Variants in TRIM64B observed in about 807,000 individuals in gnomAD.
The protein encoded by TRIM64B is tripartite motif-containing protein 64B.
For missense variants in TRIM64B, 57 were observed against 536.4 expected (o/e 0.11, Z 8.83); for synonymous variants, 17 against 190.3 (o/e 0.09, Z 7.50).
At chr11:89,872,772 C>A (rs1347560435) in intron 4 of TRIM64B, among the ~76,000 whole-genome samples, 3 of 150,374 alleles carry the variant, frequency 2.0e-5, no homozygotes, top group Non-Finnish European at 4.5e-5. Context: ...CCTGAGAACC[C>A]TGCTGCTGAG....
upstream of TRIM64B, among the ~76,000 whole-genome samples, chr11:89,878,026 A>G (rs2134715696): frequency 6.8e-6 from 1 of 147,984 alleles, no homozygotes; most frequent in East Asian, 2.0e-4. Context: ...GTAATTCAAC[A>G]TTTTTAACGT....
intron 4 of TRIM64B, among the ~76,000 whole-genome samples, chr11:89,872,689 G>A (rs532350524): frequency 3.1e-3 from 469 of 151,794 alleles, no homozygotes; most frequent in Middle Eastern, 6.8e-3. Context: ...ATGCTAGTCA[G>A]TGTCTAACAG....
At chr11:89,877,029 T>C (rs1340000306), upstream of TRIM64B, among the ~76,000 whole-genome samples, 1 of 143,862 alleles carries the variant, frequency 7.0e-6, no homozygotes, top group Non-Finnish European at 1.5e-5. Context: ...GTCATCCTGT[T>C]TCTGTCATTC....
chr11:89,878,106 G>A (rs1188654558), upstream of TRIM64B, among the ~76,000 whole-genome samples: 1 of 143,678 alleles, frequency 7.0e-6, no homozygotes, highest in Non-Finnish European at 1.5e-5. Context: ...TATTTTATGG[G>A]TTCTATCATT....
At chr11:89,876,417 GA>G (rs1201937657), upstream of TRIM64B, among the ~76,000 whole-genome samples, 3 of 149,108 alleles carry the variant, frequency 2.0e-5, no homozygotes, top group African/African-American at 7.3e-5. Flanking sequence ...GGAACAGCAA[GA>G]AGATTAAAAA....
chr11:89,876,671 G>A (rs1231377831), upstream of TRIM64B, among the ~76,000 whole-genome samples: 3 of 147,502 alleles, frequency 2.0e-5, no homozygotes, highest in Non-Finnish European at 3.0e-5. Flanking sequence ...GCAGTGAGCC[G>A]AGATCGCACC....
At chr11:89,877,039 C>A (rs1359158798), upstream of TRIM64B, among the ~76,000 whole-genome samples, 1 of 143,198 alleles carries the variant, frequency 7.0e-6, no homozygotes, top group Non-Finnish European at 1.5e-5. Context: ...TTCTGTCATT[C>A]TATCTCTCTC....
chr11:89,874,161 A>G (rs572725717), exon 3 of TRIM64B: 3 of 1,545,002 alleles, frequency 1.9e-6, no homozygotes, highest in African/African-American at 2.8e-5. Context: ...TAGTTGTTGG[A>G]AAAGCTCTTC....
chr11:89,875,762 T>C lies in TRIM64B; in HGVS notation c.256A>G (p.Asn86Asp), dbSNP rs1319897253. 6.5e-6 allele frequency: 10 copies of C among 1,546,444 alleles called. 2 individuals carry two copies. The East Asian group carries it at 2.5e-4, about 38-fold the overall frequency. ...AGCACACAGATATTGTCTGAGCTGT[T>C]GATGTTCTGAGGTCTGGTCTGTCTG... The change falls in exon 1 of 6, where the codon AAC becomes GAC. Residue 86 changes from asparagine to aspartate, a missense_variant. By Grantham distance (23) the Asn-to-Asp change is conservative (BLOSUM62 1). Transcript: ENST00000329862.
intron 2 of TRIM64B, 143 bp from the exon 4 acceptor site, chr11:89,874,422 T>A: frequency 2.1e-6 from 1 of 479,628 alleles, no homozygotes; most frequent in Non-Finnish European, 3.4e-6. Flanking sequence ...GCTATCTTCT[T>A]CTGTCCATCT....
upstream of TRIM64B, among the ~76,000 whole-genome samples, chr11:89,876,233 G>T (rs1233515197): frequency 1.5e-5 from 2 of 136,442 alleles, no homozygotes; most frequent in African/African-American, 5.3e-5. Flanking sequence ...TCGAAGATTC[G>T]GTCAAGGACT....
chr11:89,877,726 TCTCCTGCCGCAGC>T (rs1310393808), upstream of TRIM64B, among the ~76,000 whole-genome samples: 1 of 149,406 alleles, frequency 6.7e-6, no homozygotes, highest in Non-Finnish European at 1.5e-5. Context: ...TTCAAACAAT[TCTCCTGCCGCAGC>T]CTCCTGAGTA....
chr11:89,877,836 G>A (rs1950174902), upstream of TRIM64B, among the ~76,000 whole-genome samples: 1 of 149,404 alleles, frequency 6.7e-6, no homozygotes, highest in Non-Finnish European at 1.5e-5. Flanking sequence ...TGGCCAGGCT[G>A]GTGTCTAACT....
chr11:89,877,777 G>A (rs1262420697), upstream of TRIM64B, among the ~76,000 whole-genome samples: 8 of 149,390 alleles, frequency 5.4e-5, no homozygotes, highest in Non-Finnish European at 7.5e-5. Context: ...CCACCACCAC[G>A]CCAGGATGAT....
upstream of TRIM64B, among the ~76,000 whole-genome samples, chr11:89,878,035 G>A (rs1404048256): frequency 2.0e-5 from 3 of 147,476 alleles, no homozygotes; most frequent in African/African-American, 4.9e-5. Flanking sequence ...CATTTTTAAC[G>A]TTCGCTTTGG....
At chr11:89,871,295 G>A (rs1590884161) in intron 5 of TRIM64B, among the ~76,000 whole-genome samples, 181 bp from the exon 7 acceptor site, 1 of 152,350 alleles carries the variant, frequency 6.6e-6, no homozygotes, top group East Asian at 1.9e-4. Context: ...ATACAATTAT[G>A]TATTATTCCT....
upstream of TRIM64B, among the ~76,000 whole-genome samples, chr11:89,876,787 A>G (rs1271229173): frequency 6.7e-6 from 1 of 149,144 alleles, no homozygotes; most frequent in African/African-American, 2.4e-5. Context: ...AATATTTTTT[A>G]TCTGAGATTA....
At chr11:89,875,735 G>A (rs1430253947) in exon 1 of TRIM64B, 2 of 1,498,438 alleles carry the variant, frequency 1.3e-6, no homozygotes, top group Non-Finnish European at 1.8e-6. Context: ...GTCTCCTCAT[G>A]GAGCACACAG....
chr11:89,875,848 T>C (rs1390254451), exon 1 of TRIM64B: 1 of 1,550,488 alleles, frequency 6.4e-7, no homozygotes, highest in Non-Finnish European at 8.7e-7. Context: ...CTCTGAGGTT[T>C]TTCTGCACGA....
Sources: allele counts gnomAD v4.1 joint callset (sites outside exome capture counted in the v4.1 genomes callset), GRCh38; gene constraint gnomAD v4.1.1; transcripts MANE v1.5; gene names NCBI Gene and HGNC (gene_info 2026-07-23, HGNC 2026-07-21).